Variants in PELI1 observed in about 807,000 individuals in gnomAD.
PELI1 encodes the protein pellino E3 ubiquitin protein ligase 1.
In PELI1, 15 loss-of-function variants were observed where a neutral mutation model predicts 41.3. The observed-to-expected ratio is 0.36, with a 90% CI of 0.24 to 0.56. PELI1 has a LOEUF of 0.56. PELI1 is among the 20% of genes least tolerant of loss of function. The probability of loss-of-function intolerance (pLI) is 0.82; values close to 1 mark genes in which losing one functional copy is unlikely to be tolerated. For missense variants in PELI1, 403 were observed against 525.5 expected (o/e 0.77, Z 2.28); for synonymous variants, 178 against 180.1 (o/e 0.99, Z 0.09).
rs1439762867 is a variant in PELI1 at position 64,104,762 on chromosome 2, G to C, written c.140C>G (p.Pro47Arg). 9 of 1,611,868 alleles carry C rather than the reference G, an allele frequency of 5.6e-6. No homozygotes were observed. Among genetic ancestry groups the C allele is most frequent in the Non-Finnish European group, 6.8e-6 (8 of 1,179,620 alleles). The change falls in exon 3 of 7, where the codon CCT (proline) becomes CGT (arginine). Residue 47 changes from proline to arginine, a missense_variant. Physicochemically the swap from Pro to Arg is moderately radical, Grantham distance 103 (BLOSUM62 -2). Coordinates refer to ENST00000358912, the MANE Select transcript of PELI1 (RefSeq NM_020651.4). ...RKSRFALFKR[P>R]KANGVKPSTV... Reference sequence around the variant, plus strand: ...GCTGGGCTTCACCCCATTTGCCTTAGGTCTTTTAAACAAAGCAAACCTACT... The same window carrying C: ...GCTGGGCTTCACCCCATTTGCCTTACGTCTTTTAAACAAAGCAAACCTACT...
At chr2:64,120,407 AAAAT>A (rs897925560) in intron 1 of PELI1, among the ~76,000 whole-genome samples, 1 of 152,270 alleles carries the variant, frequency 6.6e-6, no homozygotes, top group African/African-American at 2.4e-5. Flanking sequence ...AAAGAATACT[AAAAT>A]TAAGTCACAA....
chr2:64,139,901 AT>A (rs1345702242), intron 1 of PELI1, among the ~76,000 whole-genome samples: 3 of 152,216 alleles, frequency 2.0e-5, no homozygotes, highest in African/African-American at 7.2e-5. Flanking sequence ...CCCAAACGAA[AT>A]TTATTTGCTG....
At chr2:64,104,882 T>C (rs1447678138) in intron 2 of PELI1, 52 bp from the exon 3 acceptor site, 4 of 1,508,250 alleles carry the variant, frequency 2.7e-6, no homozygotes, top group East Asian at 2.3e-5. Flanking sequence ...TGCACAATTA[T>C]AAAACAAATG....
intron 3 of PELI1, 31 bp downstream of exon 3, chr2:64,104,670 A>G: frequency 6.5e-7 from 1 of 1,537,910 alleles, no homozygotes; most frequent in Non-Finnish European, 8.7e-7. Flanking sequence ...TCTCCAAGTT[A>G]ATTTATGTAG....
At chr2:64,103,600 C>T (rs1182256035) in intron 3 of PELI1, among the ~76,000 whole-genome samples, 1 of 152,134 alleles carries the variant, frequency 6.6e-6, no homozygotes, top group Non-Finnish European at 1.5e-5. Flanking sequence ...AGAAACTGTC[C>T]CTTTTCTGCA....
Position 64,094,476 on chromosome 2 carries a change from T to C in PELI1, c.*226A>G, listed in dbSNP as rs996845486. On this transcript the variant is annotated 3_prime_UTR_variant, in exon 7 of 7. Transcript: ENST00000358912. ...ATGTCTTTTTCTCCTCAAAATATAT[T>C]TTCAAAACTCAGAATTCAGAAGACT... 4 of 449,412 alleles carry C rather than the reference T, an allele frequency of 8.9e-6. No individual in the cohort carries two copies. The highest frequency in any genetic ancestry group is 7.9e-5 in the African/African-American group (4 of 50,588). 27.8% of individuals were successfully genotyped at this position (449,412 alleles called of 1,614,324 possible).
At position 64,096,413 on chromosome 2, in the gene PELI1, C is replaced by T. The variant is rs1400143366; in HGVS notation, c.501G>A (p.Gly167=). The T allele has an allele frequency of 6.2e-7, 1 of 1,606,452 alleles. No homozygotes were observed. The highest frequency in any genetic ancestry group is 1.7e-5 in the Admixed American group (1 of 59,366). ...ATCATTTAGAAAAAAAGCTTTTTACCCCAAGAAAGATGTTTTTTGATGAGT... is the reference window on the plus strand; with the variant it reads ...ATCATTTAGAAAAAAAGCTTTTTACTCCAAGAAAGATGTTTTTTGATGAGT... ...GFDSSKNIFL[G]EKAAKWKTSD... The change falls in exon 5 of 7, where the codon GGG becomes GGA. Residue 167 remains glycine (G), a splice_region_variant and synonymous_variant. Transcript: ENST00000358912.
chr2:64,133,193 A>T (rs1681607345), intron 1 of PELI1, among the ~76,000 whole-genome samples: 1 of 152,144 alleles, frequency 6.6e-6, no homozygotes. Context: ...TTCATTTGGA[A>T]TTTTAAGTAC....
intron 1 of PELI1, among the ~76,000 whole-genome samples, chr2:64,142,974 A>G (rs1681961961): frequency 6.6e-6 from 1 of 152,238 alleles, no homozygotes; most frequent in African/African-American, 2.4e-5. Flanking sequence ...TTTTAGCACA[A>G]CCAGCACCTT....
intron 1 of PELI1, among the ~76,000 whole-genome samples, chr2:64,135,289 GT>G (rs1681679676): frequency 6.6e-6 from 1 of 152,022 alleles, no homozygotes; most frequent in African/African-American, 2.4e-5. Context: ...GTTTCCTACT[GT>G]TTCCTACATT....
chr2:64,109,294 G>A (rs1055309054), intron 1 of PELI1, among the ~76,000 whole-genome samples: 2 of 152,170 alleles, frequency 1.3e-5, no homozygotes, highest in Non-Finnish European at 2.9e-5. Context: ...GAAACAGAAG[G>A]TTTAGATAAT....
At chr2:64,140,787 CAA>C (rs377041268) in intron 1 of PELI1, among the ~76,000 whole-genome samples, 1 of 46,340 alleles carries the variant, frequency 2.2e-5, no homozygotes. Context: ...AGACAACATG[CAA>C]AAAAAAAAAA....
At chr2:64,105,652 A>G (rs1680594463) in intron 2 of PELI1, among the ~76,000 whole-genome samples, 1 of 152,238 alleles carries the variant, frequency 6.6e-6, no homozygotes, top group African/African-American at 2.4e-5. Context: ...AAACAGACTC[A>G]GAAGAATTAT....
At chr2:64,102,772 T>A (rs1373333306) in intron 3 of PELI1, among the ~76,000 whole-genome samples, 3 of 151,948 alleles carry the variant, frequency 2.0e-5, no homozygotes, top group Non-Finnish European at 2.9e-5. Context: ...CCAGACTAAA[T>A]GCTTAATTTT....
intron 1 of PELI1, among the ~76,000 whole-genome samples, chr2:64,122,124 A>C: frequency 6.6e-6 from 1 of 151,936 alleles, no homozygotes; most frequent in Non-Finnish European, 1.5e-5. Flanking sequence ...ACAAAAACAA[A>C]ACATAACCAA....
chr2:64,119,033 A>G lies in PELI1; in HGVS notation c.-69-10654T>C, dbSNP rs1460845674. Among the ~76,000 whole-genome samples, 4 of 152,148 alleles carry G rather than the reference A, an allele frequency of 2.6e-5. No homozygotes were observed. In the East Asian group the frequency reaches 7.7e-4, roughly 29 times the overall value. On this transcript the variant is annotated intron_variant, in intron 1 of 6. Transcript: ENST00000358912. ...TAGCTTGATTGCAAAAATATTAAAA[A>G]TGAACAGCTTTCAGTTCTCTGTTAA...
At chr2:64,139,865 C>T (rs1413799577) in intron 1 of PELI1, among the ~76,000 whole-genome samples, 11 of 152,302 alleles carry the variant, frequency 7.2e-5, no homozygotes, top group Middle Eastern at 3.4e-3. Context: ...TCTAGGCAGC[C>T]ACCACTAAAC....
chr2:64,095,227 A>G lies in PELI1; in HGVS notation c.732T>C (p.Ile244=), dbSNP rs1680192008. 6.2e-7 allele frequency: 1 copy of G among 1,614,108 alleles called. No homozygotes were observed. Among genetic ancestry groups the G allele is most frequent in the Admixed American group, 1.7e-5 (1 of 60,024 alleles). Residue 244 remains isoleucine (I), a synonymous_variant, in exon 7 of 7, where the codon ATT becomes ATC. Coordinates refer to ENST00000358912, the MANE Select transcript of PELI1 (RefSeq NM_020651.4). The part of the protein sequence containing the change: ...ETNQLQDGSL[I]DLCGATLLWR... Reference sequence around the variant, plus strand: ...ATAACAATGTTGCACCACAGAGGTCAATTAACGAGCCATCTTGTAACTGAT... The same window carrying G: ...ATAACAATGTTGCACCACAGAGGTCGATTAACGAGCCATCTTGTAACTGAT...
At chr2:64,117,119 TA>T (rs1681022612) in intron 1 of PELI1, among the ~76,000 whole-genome samples, 1 of 152,120 alleles carries the variant, frequency 6.6e-6, no homozygotes, top group African/African-American at 2.4e-5. Flanking sequence ...TGGGACACAA[TA>T]TTGAAATTAT....
Sources: gnomAD v4.1 joint callset for allele counts (sites outside exome capture counted in the v4.1 genomes callset) on GRCh38, gnomAD v4.1.1 for gene constraint, MANE v1.5 for transcripts, NCBI Gene and HGNC (gene_info 2026-07-23, HGNC 2026-07-21) for gene names.